C16orf87: variants seen among roughly 807,000 people sequenced by gnomAD.
C16orf87 encodes HDAC and MIER1 interacting protein 1, also known as UPF0547 protein C16orf87.
C16orf87 carries 13 observed loss-of-function variants against 21.0 expected under a neutral mutation model. The observed-to-expected ratio is 0.62, with a 90% confidence interval of 0.40 to 0.98. The LOEUF (loss-of-function observed/expected upper bound fraction) is 0.98. Ranked by LOEUF, C16orf87 falls within the 50% of genes least tolerant of loss-of-function variation. The pLI, the probability that C16orf87 is intolerant of heterozygous loss-of-function variation, is 0.00. For missense variants in C16orf87, 113 were observed against 180.4 expected, an observed-to-expected ratio of 0.63 and a Z score of 2.14; for synonymous variants, 49 against 60.2, an observed-to-expected ratio of 0.81 and a Z score of 0.86.
intron 1 of C16orf87, among the ~76,000 whole-genome samples, chr16:46,826,201 G>GT (rs762208487): frequency 2.0e-5 from 3 of 152,106 alleles, no homozygotes; most frequent in Non-Finnish European, 2.9e-5. Context: ...TTTAAGCCAA[G>GT]TGCTACTGAA....
chr16:46,803,037 T>G lies in C16orf87; in HGVS notation c.380A>C (p.Asn127Thr). The G allele has an allele frequency of 6.3e-7, 1 of 1,598,490 alleles. No homozygotes were observed. The highest frequency in any genetic ancestry group is 8.6e-7 in the Non-Finnish European group (1 of 1,168,390). The change falls in exon 4 of 4, where the codon AAC becomes ACC. Residue 127 changes from asparagine to threonine, a missense_variant. Coordinates refer to ENST00000285697, the MANE Select transcript of C16orf87 (RefSeq NM_001001436.4). ...CACGAAAGCCTTTTCATCAGACAGGTTAGCATAGATGTCAATTTCCTTTTC... is the reference window on the plus strand; with the variant it reads ...CACGAAAGCCTTTTCATCAGACAGGGTAGCATAGATGTCAATTTCCTTTTC... ...KQEKEIDIYANLSDEKAFVFS... is the reference protein window; with the variant it reads ...KQEKEIDIYATLSDEKAFVFS...
At chr16:46,830,792 A>T (rs541763754) in intron 1 of C16orf87, 81 of 287,690 alleles carry the variant, frequency 2.8e-4, no homozygotes, top group African/African-American at 1.7e-3. Context: ...CTGGGGCTCC[A>T]GACAGCCGCC....
In C16orf87 at chr16:46,831,153, C is replaced by G. The variant is rs752676894; in HGVS notation, c.-4G>C. On this transcript the variant is annotated 5_prime_UTR_variant, in exon 1 of 4. Transcript: ENST00000285697. ...TCTTGGCTCGAGTTGCAGACATGCTCCTCTCCCTTAGCGGCGGCAGCAGCG... is the reference window on the plus strand; with the variant it reads ...TCTTGGCTCGAGTTGCAGACATGCTGCTCTCCCTTAGCGGCGGCAGCAGCG... 1.3e-6 allele frequency: 2 copies of G among 1,569,670 alleles called. No individual in the cohort carries two copies. The highest frequency in any genetic ancestry group is 1.7e-6 in the Non-Finnish European group (2 of 1,155,368).
intron 2 of C16orf87, among the ~76,000 whole-genome samples, chr16:46,812,116 C>T (rs180924457): frequency 2.9e-4 from 44 of 152,134 alleles, no homozygotes; most frequent in Non-Finnish European, 4.9e-4. Context: ...TGGTGGTGTG[C>T]GCCTGTAGTC....
intron 3 of C16orf87, among the ~76,000 whole-genome samples, chr16:46,806,695 A>ATTG (rs1457530744): frequency 6.6e-6 from 1 of 152,240 alleles, no homozygotes; most frequent in East Asian, 1.9e-4. Context: ...CTAACCAAAA[A>ATTG]TTGTTTAATG....
chr16:46,809,807 A>G, intron 2 of C16orf87, 22 bp from the exon 3 acceptor site: 2 of 1,542,864 alleles, frequency 1.3e-6, no homozygotes, highest in East Asian at 4.5e-5. Context: ...AATAAAAGTG[A>G]TATATTTTAG....
intron 2 of C16orf87, among the ~76,000 whole-genome samples, chr16:46,811,732 A>C (rs888867865): frequency 1.3e-5 from 2 of 152,200 alleles, no homozygotes; most frequent in African/African-American, 4.8e-5. Flanking sequence ...TTTCTTCAAC[A>C]TCTAACTTGC....
intron 1 of C16orf87, among the ~76,000 whole-genome samples, chr16:46,829,319 G>A (rs1160769313): frequency 6.6e-6 from 1 of 152,076 alleles, no homozygotes; most frequent in African/African-American, 2.4e-5. Context: ...GGGGGAGGGG[G>A]TGTATAACAA....
At chr16:46,820,379 C>T (rs1959372213) in intron 2 of C16orf87, among the ~76,000 whole-genome samples, 1 of 152,020 alleles carries the variant, frequency 6.6e-6, no homozygotes, top group Non-Finnish European at 1.5e-5. Context: ...CCTATCTATC[C>T]ATTTATGTAT....
At chr16:46,803,280 T>G (rs903138807) in intron 3 of C16orf87, among the ~76,000 whole-genome samples, 1 of 152,192 alleles carries the variant, frequency 6.6e-6, no homozygotes, top group Non-Finnish European at 1.5e-5. Flanking sequence ...AATATTTATT[T>G]CTATACACAG....
intron 1 of C16orf87, among the ~76,000 whole-genome samples, chr16:46,828,172 C>A (rs1959697761): frequency 6.6e-6 from 1 of 152,062 alleles, no homozygotes; most frequent in South Asian, 2.1e-4. Context: ...TCGTGATCCA[C>A]CTGCCTCGGC....
intron 2 of C16orf87, among the ~76,000 whole-genome samples, chr16:46,816,378 G>A (rs1450395701): frequency 6.6e-6 from 1 of 152,050 alleles, no homozygotes; most frequent in Non-Finnish European, 1.5e-5. Context: ...GGTTAAAATA[G>A]AATATTTTGT....
In C16orf87 at chr16:46,802,936, AT is replaced by A; in HGVS notation, c.*15del. On this transcript the variant is annotated 3_prime_UTR_variant, in exon 4 of 4. Transcript: ENST00000285697. ...GTTATCCTGACAGAAGTTTCAGCAGATTTTGCAAACAAGTATCAGAGAATAA... is the reference window on the plus strand; with the variant it reads ...GTTATCCTGACAGAAGTTTCAGCAGATTTGCAAACAAGTATCAGAGAATAA... 8.1e-7 allele frequency: 1 copy of A among 1,230,176 alleles called. No individual in the cohort carries two copies. Among genetic ancestry groups the A allele is most frequent in the Non-Finnish European group, 1.2e-6 (1 of 834,642 alleles). 76.2% of individuals were successfully genotyped at this position (1,230,176 alleles called of 1,614,324 possible).
intron 1 of C16orf87, among the ~76,000 whole-genome samples, chr16:46,829,030 A>T (rs1008604209): frequency 1.3e-5 from 2 of 152,156 alleles, no homozygotes; most frequent in Non-Finnish European, 2.9e-5. Flanking sequence ...CGACATCCAA[A>T]TTCATATATT....
intron 1 of C16orf87, chr16:46,830,630 C>G (rs1263958472): frequency 1.3e-5 from 2 of 155,694 alleles, no homozygotes; most frequent in African/African-American, 4.8e-5. Context: ...GGGGAAGCCC[C>G]GCACCCGTCG....
In C16orf87 at chr16:46,799,042, T is replaced by C. The variant is rs554284379; in HGVS notation, c.*3910A>G. 4 of 152,236 alleles carry C rather than the reference T, an allele frequency of 2.6e-5. No homozygotes were observed. The highest frequency in any genetic ancestry group is 4.1e-4 in the South Asian group (2 of 4,828). 9.4% of individuals were successfully genotyped at this position (152,236 alleles called of 1,614,324 possible). ...GTGCAATAAGGCAAAGAAAAAAATA[T>C]AGAAATTATCAATAAAAGAACAAAA... On this transcript the variant is annotated 3_prime_UTR_variant, in exon 4 of 4. Transcript: ENST00000285697.
At position 46,811,800 on chromosome 16, in the gene C16orf87, C is replaced by T. The variant is rs1305521465; in HGVS notation, c.164-2015G>A. Among the ~76,000 whole-genome samples the T allele has an allele frequency of 2.0e-5, 3 of 152,054 alleles. No individual in the cohort carries two copies. The East Asian group carries it at 5.8e-4, about 29-fold the overall frequency. On this transcript the variant is annotated intron_variant, in intron 2 of 3. Coordinates refer to ENST00000285697, the MANE Select transcript of C16orf87 (RefSeq NM_001001436.4). ...AGGGTTAAAAAAGATATAATCTAGC[C>T]AGGCTCAGTAGCTCATGCTTGTAAT...
Position 46,798,002 on chromosome 16 carries a change from A to G in C16orf87, c.*4950T>C, listed in dbSNP as rs1292906822. ...AGCAAATGGGAAATTTATAGCATTAAATGCTTTTTTTAGAAAAGCACAAAA... is the reference window on the plus strand; with the variant it reads ...AGCAAATGGGAAATTTATAGCATTAGATGCTTTTTTTAGAAAAGCACAAAA... On this transcript the variant is annotated 3_prime_UTR_variant, in exon 4 of 4. Transcript: ENST00000285697. The G allele has an allele frequency of 1.3e-5, 2 of 152,118 alleles. No homozygotes were observed. The highest frequency in any genetic ancestry group is 2.9e-5 in the Non-Finnish European group (2 of 68,012). The allele number at this position is 152,118 out of a possible 1,614,324, so 9.4% of individuals were successfully genotyped here. A position where few individuals can be genotyped will look rare whatever the true frequency, so the allele number is the denominator to read the frequency against.
intron 3 of C16orf87, among the ~76,000 whole-genome samples, chr16:46,805,176 T>G (rs1322512445): frequency 6.6e-6 from 1 of 152,174 alleles, no homozygotes; most frequent in Non-Finnish European, 1.5e-5. Flanking sequence ...TAATTGTCAT[T>G]GTTAAAGTCG....
Sources: allele counts gnomAD v4.1 joint callset (sites outside exome capture counted in the v4.1 genomes callset), GRCh38; gene constraint gnomAD v4.1.1; transcripts MANE v1.5; gene names NCBI Gene and HGNC (gene_info 2026-07-23, HGNC 2026-07-21).